The following WRAP73 variants were observed in gnomAD, a reference collection of about 807,000 sequenced individuals.
WRAP73 encodes the protein WD repeat containing, antisense to TP73, also known as WD repeat-containing protein WRAP73.
Under a neutral mutation model 59.6 loss-of-function variants are expected in WRAP73, and 55 were observed. The ratio of observed to expected loss-of-function variants is 0.92; its 90% confidence interval spans 0.74 to 1.15. The LOEUF (loss-of-function observed/expected upper bound fraction) is 1.15, where lower values mean the gene tolerates loss of function less well. Ranked by LOEUF, WRAP73 falls within the 50% of genes most tolerant of loss-of-function variation. WRAP73 has a pLI of 0.00. For synonymous variants in WRAP73, 265 were observed against 258.2 expected (o/e 1.03, Z -0.25); for missense variants, 592 against 608.1 (o/e 0.97, Z 0.28).
rs774768761 is a variant in WRAP73 at position 3,637,075 on chromosome 1, G to A, written c.436C>T (p.Arg146Cys). Residue 146 changes from arginine (R) to cysteine (C), a missense_variant, in exon 5 of 12, where the codon CGC (arginine) becomes TGC (cysteine). Coordinates refer to ENST00000270708, the MANE Select transcript of WRAP73 (RefSeq NM_017818.4). ...CGCCGTTCTGCCAGCGCCATGTAGCGGCCGTCCCTGGTGAAGGTGATTCCT... is the reference window on the plus strand; with the variant it reads ...CGCCGTTCTGCCAGCGCCATGTAGCAGCCGTCCCTGGTGAAGGTGATTCCT... The part of the protein sequence containing the change: ...LQGITFTRDG[R>C]YMALAERRDC... 21 of 1,611,444 alleles carry A rather than the reference G, an allele frequency of 1.3e-5. No individual in the cohort carries two copies. Among genetic ancestry groups the A allele is most frequent in the Middle Eastern group, 1.7e-4 (1 of 5,722 alleles).
chr1:3,644,762 T>C (rs1644673957), intron 3 of WRAP73, among the ~76,000 whole-genome samples: 1 of 152,246 alleles, frequency 6.6e-6, no homozygotes, highest in Admixed American at 6.5e-5. Flanking sequence ...GTGTTTTCAA[T>C]ATTGGTGTGT....
chr1:3,645,723 AC>A (rs999785583), intron 3 of WRAP73, among the ~76,000 whole-genome samples: 1 of 152,224 alleles, frequency 6.6e-6, no homozygotes, highest in Non-Finnish European at 1.5e-5. Context: ...TAAACACTTG[AC>A]ATATGCCTAA....
chr1:3,650,000 G>A lies in WRAP73; in HGVS notation c.-1C>T, dbSNP rs767169320. 1.3e-6 allele frequency: 2 copies of A among 1,588,670 alleles called. No individual in the cohort carries two copies. The highest frequency in any genetic ancestry group is 8.5e-7 in the Non-Finnish European group (1 of 1,169,958). On this transcript the variant is annotated 5_prime_UTR_variant, in exon 1 of 12. Transcript: ENST00000270708. ...GCTTGAATACCTCGGAGAAGTTCATGGCCGCCGCCTGCCGCGGGCGCCACC... is the reference window on the plus strand; with the variant it reads ...GCTTGAATACCTCGGAGAAGTTCATAGCCGCCGCCTGCCGCGGGCGCCACC...
chr1:3,642,185 C>A (rs1644652652), intron 3 of WRAP73, among the ~76,000 whole-genome samples: 1 of 152,102 alleles, frequency 6.6e-6, no homozygotes, highest in Non-Finnish European at 1.5e-5. Context: ...TTTAGGAGCT[C>A]GAGACCAGCC....
intron 4 of WRAP73, among the ~76,000 whole-genome samples, chr1:3,637,322 G>A (rs951374321): frequency 1.3e-5 from 2 of 152,168 alleles, no homozygotes; most frequent in Non-Finnish European, 2.9e-5. Context: ...GTGTGCTGGG[G>A]GAAGCTGTAC....
intron 6 of WRAP73, chr1:3,635,682 G>A (rs1252741179): frequency 2.0e-5 from 10 of 502,042 alleles, no homozygotes; most frequent in Admixed American, 1.1e-4. Flanking sequence ...TTAGCCGGGC[G>A]TGGTGGTGCA....
At chr1:3,649,322 A>C (rs1346958214) in intron 1 of WRAP73, among the ~76,000 whole-genome samples, 1 of 152,250 alleles carries the variant, frequency 6.6e-6, no homozygotes, top group East Asian at 1.9e-4. Flanking sequence ...ATAGAATACT[A>C]GTATTTAAAT....
At chr1:3,638,919 C>T (rs1271191385) in intron 3 of WRAP73, 97 bp from the exon 4 acceptor site, 39 of 1,370,076 alleles carry the variant, frequency 2.8e-5, no homozygotes, top group Non-Finnish European at 3.8e-5. Context: ...CAAGCACAGG[C>T]CTGACTGCTG....
At chr1:3,636,836 G>T in intron 5 of WRAP73, 159 bp downstream of exon 5, 1 of 766,722 alleles carries the variant, frequency 1.3e-6, no homozygotes, top group Non-Finnish European at 2.2e-6. Flanking sequence ...ACAACCGGGT[G>T]CCACTGGAAG....
intron 6 of WRAP73, 126 bp from the exon 7 acceptor site, chr1:3,635,420 C>T (rs935206854): frequency 3.7e-6 from 5 of 1,334,120 alleles, no homozygotes; most frequent in Non-Finnish European, 3.1e-6. Context: ...TCCGCGTGGC[C>T]GTGGAAAAGC....
At chr1:3,648,707 G>A (rs774293866) in intron 1 of WRAP73, among the ~76,000 whole-genome samples, 86 of 151,882 alleles carry the variant, frequency 5.7e-4, no homozygotes, top group Non-Finnish European at 8.7e-4. Flanking sequence ...TGTACAAGCT[G>A]GAAAAAAACA....
chr1:3,631,464 AC>A lies in WRAP73; in HGVS notation c.1240+1del. The A allele has an allele frequency of 6.3e-7, 1 of 1,590,172 alleles. No individual in the cohort carries two copies. The highest frequency in any genetic ancestry group is 8.6e-7 in the Non-Finnish European group (1 of 1,168,042). On this transcript the variant is annotated splice_donor_variant, in intron 11 of 11. Transcript: ENST00000270708. LOFTEE classifies it high-confidence loss of function. ...CGTCCGTGGCCTCGGGGATGTGCTT[AC>A]CTTCCCCAGGCACCTGCACCGACAT... is the stretch of plus-strand genomic sequence containing the variant.
chr1:3,644,472 G>A (rs1375996049), intron 3 of WRAP73, among the ~76,000 whole-genome samples: 1 of 152,386 alleles, frequency 6.6e-6, no homozygotes, highest in Admixed American at 6.5e-5. Context: ...TTGTGAATGA[G>A]ACTGATGGAC....
Position 3,632,331 on chromosome 1 carries a change from G to A in WRAP73, c.930C>T (p.Ile310=), listed in dbSNP as rs543992674. 3.0e-5 allele frequency: 49 copies of A among 1,614,122 alleles called. No homozygotes were observed. Among genetic ancestry groups the A allele is most frequent in the South Asian group, 2.7e-4 (25 of 91,078 alleles). Residue 310 remains isoleucine, a synonymous_variant, in exon 10 of 12, where the codon ATC becomes ATT. Transcript: ENST00000270708. ...PLPSSESKYE[I]ASVPVSLQTL... ...TCTGTAAGGAGACTGGGACAGAGGC[G>A]ATCTCATCTAGAACACCAACAGGAA...
Position 3,649,949 on chromosome 1 carries a change from G to A in WRAP73, c.51C>T (p.Ser17=), listed in dbSNP as rs753787339. The change falls in exon 1 of 12, where the codon TCC becomes TCT. Residue 17 remains serine, a synonymous_variant. Transcript: ENST00000270708. ...FKLSSLLCKF[S]PDGKYLASCV... ...CGCTCACCAGGTACTTGCCGTCCGGGGAGAACTTGCAGAGTAAGCTGGAGA... is the reference window on the plus strand; with the variant it reads ...CGCTCACCAGGTACTTGCCGTCCGGAGAGAACTTGCAGAGTAAGCTGGAGA... The A allele has an allele frequency of 6.2e-7, 1 of 1,603,660 alleles. No homozygotes were observed. Among genetic ancestry groups the A allele is most frequent in the South Asian group, 1.1e-5 (1 of 89,450 alleles).
intron 1 of WRAP73, among the ~76,000 whole-genome samples, chr1:3,647,800 G>C (rs1381771155): frequency 6.6e-6 from 1 of 152,206 alleles, no homozygotes. Context: ...ATAAAAGTAT[G>C]TTTTAACTCG....
Position 3,633,799 on chromosome 1 carries a change from T to C in WRAP73, c.817-296A>G, listed in dbSNP as rs1449424915. ...CAGCCACCATCATCCAGCAAGGGAG[T>C]GGGCTCAGCCTTCCCTCCGTGATAA... On this transcript the variant is annotated intron_variant, in intron 8 of 11. Transcript: ENST00000270708. The C allele has an allele frequency of 1.8e-5, 6 of 341,522 alleles. No homozygotes were observed. The East Asian group carries it at 3.3e-4, about 19-fold the overall frequency. 21.2% of individuals were successfully genotyped at this position (341,522 alleles called of 1,614,324 possible).
chr1:3,644,334 G>T lies in WRAP73; in HGVS notation c.339+2332C>A. ...GAAGGGGACCCAGCGGCCCCGCTGAGCCCCGGACATGGGGTCGCGCCTTCG... is the reference window on the plus strand; with the variant it reads ...GAAGGGGACCCAGCGGCCCCGCTGATCCCCGGACATGGGGTCGCGCCTTCG... On this transcript the variant is annotated intron_variant, in intron 3 of 11. Coordinates refer to ENST00000270708, the MANE Select transcript of WRAP73 (RefSeq NM_017818.4). Among the ~76,000 whole-genome samples, 2 of 111,984 alleles carry T rather than the reference G, an allele frequency of 1.8e-5. 1 individual carries two copies. Among genetic ancestry groups the T allele is most frequent in the African/African-American group, 8.4e-5 (2 of 23,830 alleles). The allele number at this position is 111,984 out of a possible 152,430, so 73.5% of individuals were successfully genotyped here. A position where few individuals can be genotyped will look rare whatever the true frequency, so the allele number is the denominator to read the frequency against.
At chr1:3,645,804 C>T (rs1445039632) in intron 3 of WRAP73, among the ~76,000 whole-genome samples, 2 of 152,160 alleles carry the variant, frequency 1.3e-5, no homozygotes, top group African/African-American at 2.4e-5. Flanking sequence ...CATTCCCCTC[C>T]GCGCTGAGCT....
Sources: allele counts gnomAD v4.1 joint callset (sites outside exome capture counted in the v4.1 genomes callset), GRCh38; gene constraint gnomAD v4.1.1; transcripts MANE v1.5; gene names NCBI Gene and HGNC (gene_info 2026-07-23, HGNC 2026-07-21).